The following MACF1 variants were observed in gnomAD, a reference collection of about 807,000 sequenced individuals.
MACF1 encodes microtubule actin crosslinking factor 1, also known as microtubule-actin cross-linking factor 1.
A neutral mutation model predicts 854.8 loss-of-function variants in MACF1; 193 were observed. The observed-to-expected ratio is 0.23, with a 90% CI of 0.20 to 0.25. The LOEUF (loss-of-function observed/expected upper bound fraction) is 0.25. Ranked by LOEUF, MACF1 falls within the 10% of genes least tolerant of loss-of-function variation. The pLI is 1.00. For synonymous variants in MACF1, 3,185 were observed against 3,226.7 expected (o/e 0.99, Z 0.44); for missense variants, 7,722 against 8,929.1 (o/e 0.86, Z 5.45).
chr1:39,286,742 G>A (rs1223863252), intron 14 of MACF1, among the ~76,000 whole-genome samples: 1 of 151,970 alleles, frequency 6.6e-6, no homozygotes, highest in South Asian at 2.1e-4. Context: ...GTTTTACAGA[G>A]CCAAGACTAG....
chr1:39,131,627 A>G (rs1643007878), intron 2 of MACF1, among the ~76,000 whole-genome samples: 1 of 152,226 alleles, frequency 6.6e-6, no homozygotes, highest in Non-Finnish European at 1.5e-5. Context: ...CAAAGTGTCT[A>G]TAAATGTATG....
chr1:39,258,034 G>T lies in MACF1; in HGVS notation c.528+6G>T. On this transcript the variant is annotated splice_donor_region_variant and intron_variant, in intron 6 of 100. Coordinates refer to ENST00000564288, the MANE Select transcript of MACF1 (RefSeq NM_001394062.1). The stretch of plus-strand genomic sequence containing the variant: ...CCATTATTTTGCATTTCCAGGTAGG[G>T]CATGTGAAGTTTGGAATTCCTGTTG... The T allele has an allele frequency of 6.2e-7, 1 of 1,612,942 alleles. No individual in the cohort carries two copies. The highest frequency in any genetic ancestry group is 1.3e-5 in the African/African-American group (1 of 75,022).
chr1:39,359,353 T>C (rs902252491), intron 47 of MACF1, 89 bp downstream of exon 47: 1 of 1,439,380 alleles, frequency 6.9e-7, no homozygotes, highest in Non-Finnish European at 9.6e-7. Flanking sequence ...TGTGCAAATA[T>C]CTGTGGTGCC....
intron 95 of MACF1, among the ~76,000 whole-genome samples, chr1:39,465,678 G>A (rs1190253363): frequency 6.6e-6 from 1 of 152,190 alleles, no homozygotes; most frequent in Non-Finnish European, 1.5e-5. Context: ...AAGATTGGAT[G>A]CTTTGACTCC....
intron 38 of MACF1, 29 bp downstream of exon 38, chr1:39,337,360 C>T: frequency 1.2e-6 from 2 of 1,607,822 alleles, no homozygotes; most frequent in Non-Finnish European, 8.5e-7. Flanking sequence ...CCACCACAGA[C>T]ACCAGCTTCA....
At chr1:39,281,937 G>A (rs1227241867) in intron 6 of MACF1, among the ~76,000 whole-genome samples, 1 of 152,156 alleles carries the variant, frequency 6.6e-6, no homozygotes, top group East Asian at 1.9e-4. Flanking sequence ...GGCGGTGTAT[G>A]ATGATACCCA....
rs1649991882 is a variant in MACF1, at chr1:39,379,444, G to A, written c.13518G>A (p.Lys4506=). ...ETVKAQAESN[K]AFLAELEQNS... The stretch of plus-strand genomic sequence containing the variant: ...TGAAAGCCCAAGCTGAATCTAACAA[G>A]GTACTGTGTTTACATTAGTTGCCTC... Residue 4506 remains lysine, a splice_region_variant and synonymous_variant, in exon 54 of 101, where the codon AAG becomes AAA. Transcript: ENST00000564288. 6.2e-7 allele frequency: 1 copy of A among 1,611,642 alleles called. No individual in the cohort carries two copies.
chr1:39,314,927 C>A (rs1433931033), intron 26 of MACF1, among the ~76,000 whole-genome samples: 1 of 152,124 alleles, frequency 6.6e-6, no homozygotes. Context: ...CCTTTCTTCC[C>A]CTTCAGTGTG....
rs1482854188 is a variant in MACF1 at position 39,251,945 on chromosome 1, G to T, written c.357+4G>T. 6.7e-7 allele frequency: 1 copy of T among 1,498,304 alleles called. No homozygotes were observed. Among genetic ancestry groups the T allele is most frequent in the Admixed American group, 2.1e-5 (1 of 46,914 alleles). 92.8% of individuals were successfully genotyped at this position (1,498,304 alleles called of 1,614,324 possible). A position where few individuals can be genotyped will look rare whatever the true frequency, so the allele number is the denominator to read the frequency against. ...GGAGGAAGATGATGATGATGTAGTA[G>T]GTCCTCCTGGGGATGCCAGCATCCC... On this transcript the variant is annotated splice_donor_region_variant and intron_variant, in intron 4 of 100. Transcript: ENST00000564288.
intron 6 of MACF1, among the ~76,000 whole-genome samples, chr1:39,274,181 A>G (rs1645387957): frequency 6.6e-6 from 1 of 152,088 alleles, no homozygotes. Flanking sequence ...ATATTTGAAA[A>G]TTTCCATTTC....
intron 58 of MACF1, chr1:39,413,992 T>C (rs374726904): frequency 2.5e-6 from 4 of 1,606,448 alleles, no homozygotes; most frequent in African/African-American, 1.4e-5. Flanking sequence ...GGAGCCCACC[T>C]CCCCAGCAGC....
At chr1:39,100,582 G>C (rs1487932706) in intron 2 of MACF1, among the ~76,000 whole-genome samples, 1 of 152,166 alleles carries the variant, frequency 6.6e-6, no homozygotes, top group Admixed American at 6.5e-5. Flanking sequence ...GGCCGGGTGC[G>C]GTGGCTCATG....
intron 6 of MACF1, among the ~76,000 whole-genome samples, chr1:39,280,263 C>T (rs1012006039): frequency 2.6e-5 from 4 of 151,834 alleles, no homozygotes; most frequent in African/African-American, 7.2e-5. Context: ...ATTCATAAAC[C>T]AAGTTATTAT....
chr1:39,216,358 C>T (rs1188363049), intron 1 of MACF1, among the ~76,000 whole-genome samples: 1 of 152,074 alleles, frequency 6.6e-6, no homozygotes, highest in African/African-American at 2.4e-5. Context: ...TATTGTGGAA[C>T]ATGTATTTGT....
intron 2 of MACF1, among the ~76,000 whole-genome samples, chr1:39,163,308 A>G (rs978664777): frequency 8.1e-6 from 1 of 123,630 alleles, no homozygotes; most frequent in African/African-American, 2.9e-5. Context: ...CTGAGATCAT[A>G]GGTGAGCCTG....
At position 39,448,125 on chromosome 1, in the gene MACF1, A is replaced by G; in HGVS notation, c.20061A>G (p.Lys6687=). The part of the protein sequence containing the change: ...SELEISNDPD[K]IKLQLSKHKE... The stretch of plus-strand genomic sequence containing the variant: ...TAGAGATATCCAATGACCCAGACAA[A>G]ATTAAACTTCAGCTTTCTAAGCATA... Residue 6687 remains lysine (K), a synonymous_variant, in exon 83 of 101, where the codon AAA becomes AAG. Transcript: ENST00000564288. 6.2e-6 allele frequency: 10 copies of G among 1,614,136 alleles called. No homozygotes were observed. The highest frequency in any genetic ancestry group is 7.6e-6 in the Non-Finnish European group (9 of 1,180,002).
Position 39,368,243 on chromosome 1 carries a change from G to A in MACF1, c.12867G>A (p.Leu4289=), listed in dbSNP as rs1216970753. The change falls in exon 50 of 101, where the codon TTG becomes TTA. Residue 4289 remains leucine (L), a synonymous_variant. Coordinates refer to ENST00000564288, the MANE Select transcript of MACF1 (RefSeq NM_001394062.1). ...ELSSCGFALD[L]CQHQDRVQNL... ...GCTCTTGTGGCTTTGCGCTGGACTTGTGCCAGCATCAGGACAGGGTACAGA... is the reference window on the plus strand; with the variant it reads ...GCTCTTGTGGCTTTGCGCTGGACTTATGCCAGCATCAGGACAGGGTACAGA... The A allele has an allele frequency of 1.2e-6, 2 of 1,613,974 alleles. No individual in the cohort carries two copies. Among genetic ancestry groups the A allele is most frequent in the Admixed American group, 1.7e-5 (1 of 60,000 alleles).
chr1:39,312,623 G>A (rs1323897786), intron 26 of MACF1, among the ~76,000 whole-genome samples: 2 of 152,088 alleles, frequency 1.3e-5, no homozygotes, highest in Non-Finnish European at 2.9e-5. Context: ...CCAGGAGTTC[G>A]AGACCAGCCT....
At chr1:39,359,867 A>G (rs1423351436) in intron 47 of MACF1, among the ~76,000 whole-genome samples, 1 of 149,702 alleles carries the variant, frequency 6.7e-6, no homozygotes, top group African/African-American at 2.5e-5. Context: ...GGCGCCTGTA[A>G]TCCCAGCTAC....
Sources: gnomAD v4.1 joint callset for allele counts (sites outside exome capture counted in the v4.1 genomes callset) on GRCh38, gnomAD v4.1.1 for gene constraint, MANE v1.5 for transcripts, NCBI Gene and HGNC (gene_info 2026-07-23, HGNC 2026-07-21) for gene names.